Variants in NODAL observed in about 807,000 individuals in gnomAD.
NODAL encodes the protein nodal homolog.
NODAL carries 12 observed loss-of-function variants against 34.0 expected under a neutral mutation model. That is an observed-to-expected ratio of 0.35 (90% CI 0.23 to 0.57). The LOEUF is 0.57. NODAL is among the 20% of genes least tolerant of loss of function. The probability of loss-of-function intolerance (pLI) is 0.83; values close to 1 mark genes in which losing one functional copy is unlikely to be tolerated. For missense variants in NODAL, 390 were observed against 444.2 expected, an observed-to-expected ratio of 0.88 and a Z score of 1.10; for synonymous variants, 162 against 186.4, an observed-to-expected ratio of 0.87 and a Z score of 1.07.
Position 70,435,268 on chromosome 10 carries a change from T to G in NODAL, c.891+18A>C. On this transcript the variant is annotated intron_variant, in intron 2 of 2. Coordinates refer to ENST00000287139, the MANE Select transcript of NODAL (RefSeq NM_018055.5). ...GCCAGCTTACTGCCTCCCCTCCCCC[T>G]CACGCCTGGCATCCCACCTGGATGT... The G allele has an allele frequency of 6.3e-7, 1 of 1,591,684 alleles. No homozygotes were observed. The highest frequency in any genetic ancestry group is 8.6e-7 in the Non-Finnish European group (1 of 1,168,224).
At chr10:70,447,360 TACCGC>T (rs1372854229) in intron 1 of NODAL, among the ~76,000 whole-genome samples, 1 of 151,770 alleles carries the variant, frequency 6.6e-6, no homozygotes, top group East Asian at 2.0e-4. Flanking sequence ...AGGCATGAGC[TACCGC>T]ACCTGGCCAG....
At chr10:70,444,270 A>G (rs544867710), upstream of NODAL, among the ~76,000 whole-genome samples, 14 of 150,518 alleles carry the variant, frequency 9.3e-5, no homozygotes, top group African/African-American at 3.2e-4. Flanking sequence ...AGACCTTCAG[A>G]TTTAGAATTT....
upstream of NODAL, among the ~76,000 whole-genome samples, chr10:70,445,901 T>C (rs1032319827): frequency 5.9e-5 from 9 of 152,210 alleles, no homozygotes; most frequent in Admixed American, 5.9e-4. Flanking sequence ...TTCTGATGTG[T>C]ATTGGCTTAG....
At chr10:70,441,349 C>A (rs976646844) in intron 1 of NODAL, 126 bp downstream of exon 1, 5 of 1,052,096 alleles carry the variant, frequency 4.8e-6, no homozygotes, top group Admixed American at 2.3e-5. Context: ...TCGGGACGCC[C>A]GGGCGGCTGC....
At chr10:70,444,059 A>C (rs1396456009), upstream of NODAL, among the ~76,000 whole-genome samples, 4 of 151,074 alleles carry the variant, frequency 2.6e-5, no homozygotes, top group African/African-American at 7.3e-5. Context: ...CAGCCTCCCG[A>C]GTAGGTGGGA....
rs1199259191 is a variant in NODAL at position 70,447,936 on chromosome 10, TC to T, written c.15del (p.Ile6TyrfsTer22). ...CTCTCGCTTCTACCTTTAGTCTGTA[TC>T]CCCAACTGTTGGTCTTGGAGGCTGA... On this transcript the variant is annotated frameshift_variant, in exon 1 of 3. Transcript: ENST00000414871. LOFTEE classifies it high-confidence loss of function. 2.1e-6 allele frequency: 1 copy of T among 471,126 alleles called. No individual in the cohort carries two copies. Among genetic ancestry groups the T allele is most frequent in the Non-Finnish European group, 4.4e-6 (1 of 227,062 alleles). 29.2% of individuals were successfully genotyped at this position (471,126 alleles called of 1,614,324 possible).
chr10:70,432,818 G>T lies in NODAL; in HGVS notation c.*118C>A. On this transcript the variant is annotated 3_prime_UTR_variant, in exon 3 of 3. Transcript: ENST00000287139. ...CAGCCCCTCCTCTTCAGTTCTGGTG[G>T]GCAGAGCAACTTTGCCCCTCTCTGT... 1.6e-6 allele frequency: 2 copies of T among 1,213,316 alleles called. No individual in the cohort carries two copies. The highest frequency in any genetic ancestry group is 2.4e-6 in the Non-Finnish European group (2 of 826,532). 75.2% of individuals were successfully genotyped at this position (1,213,316 alleles called of 1,614,324 possible). A position where few individuals can be genotyped will look rare whatever the true frequency, so the allele number is the denominator to read the frequency against.
chr10:70,433,092 T>C lies in NODAL; in HGVS notation c.892-4A>G. On this transcript the variant is annotated splice_polypyrimidine_tract_variant and splice_region_variant and intron_variant, in intron 2 of 2. Coordinates refer to ENST00000287139, the MANE Select transcript of NODAL (RefSeq NM_018055.5). ...GCTGGTAACGTTTCAGCAGACTCTG[T>C]AAAGGAAAGGAAGGGTGTGTCAATT... 2 of 1,613,728 alleles carry C rather than the reference T, an allele frequency of 1.2e-6. No homozygotes were observed. The highest frequency in any genetic ancestry group is 8.5e-7 in the Non-Finnish European group (1 of 1,179,988).
Position 70,435,504 on chromosome 10 carries a change from C to T in NODAL, c.673G>A (p.Gly225Arg), listed in dbSNP as rs1564667208. 1 of 1,614,090 alleles carries T rather than the reference C, an allele frequency of 6.2e-7. No homozygotes were observed. The highest frequency in any genetic ancestry group is 8.5e-7 in the Non-Finnish European group (1 of 1,180,010). Residue 225 changes from glycine (G) to arginine (R), a missense_variant, in exon 2 of 3, where the codon GGA becomes AGA. Transcript: ENST00000287139. ...EAESSWRAQE[G>R]QLSWEWGKRH... ...TTGCCCCACTCCCAGGACAGCTGTC[C>T]CTCCTGGGCCCGCCAGGAGCTCTCG...
chr10:70,445,710 C>A (rs1458961748), upstream of NODAL, among the ~76,000 whole-genome samples: 1 of 152,180 alleles, frequency 6.6e-6, no homozygotes, highest in Non-Finnish European at 1.5e-5. Flanking sequence ...AGATAATTTG[C>A]CCAAAGCCAC....
chr10:70,432,783 A>T lies in NODAL; in HGVS notation c.*153T>A. On this transcript the variant is annotated 3_prime_UTR_variant, in exon 3 of 3. Coordinates refer to ENST00000287139, the MANE Select transcript of NODAL (RefSeq NM_018055.5). ...CCAGACTCCACTGAGCCCTTCATTTACAGAGTGGGCAGCCCCTCCTCTTCA... is the reference window on the plus strand; with the variant it reads ...CCAGACTCCACTGAGCCCTTCATTTTCAGAGTGGGCAGCCCCTCCTCTTCA... 1.2e-6 allele frequency: 1 copy of T among 838,318 alleles called. No homozygotes were observed. The highest frequency in any genetic ancestry group is 2.0e-6 in the Non-Finnish European group (1 of 505,726). The allele number at this position is 838,318 out of a possible 1,614,324, so 51.9% of individuals were successfully genotyped here.
At chr10:70,438,514 A>C (rs1260278952) in intron 1 of NODAL, among the ~76,000 whole-genome samples, 7 of 152,220 alleles carry the variant, frequency 4.6e-5, no homozygotes, top group African/African-American at 1.7e-4. Context: ...ATTAACTGAG[A>C]TAATTCATGT....
intron 1 of NODAL, among the ~76,000 whole-genome samples, chr10:70,438,649 G>C (rs1412294247): frequency 1.3e-5 from 2 of 152,184 alleles, no homozygotes; most frequent in Non-Finnish European, 2.9e-5. Context: ...CCTGGACAGG[G>C]GTGCAAAGTT....
chr10:70,444,318 C>G (rs1210532058), upstream of NODAL, among the ~76,000 whole-genome samples: 10 of 141,232 alleles, frequency 7.1e-5, no homozygotes, highest in African/African-American at 2.4e-4. Flanking sequence ...TTCACAAGCA[C>G]TCCAGTGATA....
intron 2 of NODAL, chr10:70,434,810 AT>A (rs1468608924): frequency 5.6e-6 from 1 of 180,100 alleles, no homozygotes; most frequent in Non-Finnish European, 1.2e-5. Flanking sequence ...ATGTCATCTC[AT>A]TAACCCTACA....
chr10:70,440,674 C>G (rs1845419162), intron 1 of NODAL, among the ~76,000 whole-genome samples: 2 of 152,180 alleles, frequency 1.3e-5, no homozygotes, highest in African/African-American at 4.8e-5. Context: ...GCCCAGAACG[C>G]GCTGCCAGGT....
chr10:70,435,503 C>T lies in NODAL; in HGVS notation c.674G>A (p.Gly225Glu), dbSNP rs778904934. 1.2e-6 allele frequency: 2 copies of T among 1,614,122 alleles called. No homozygotes were observed. Among genetic ancestry groups the T allele is most frequent in the South Asian group, 2.2e-5 (2 of 91,078 alleles). The stretch of plus-strand genomic sequence containing the variant: ...CTTGCCCCACTCCCAGGACAGCTGT[C>T]CCTCCTGGGCCCGCCAGGAGCTCTC... ...EAESSWRAQE[G>E]QLSWEWGKRH... The change falls in exon 2 of 3, where the codon GGA becomes GAA. Residue 225 changes from glycine to glutamate, a missense_variant. Gly to Glu is a moderately conservative substitution (Grantham distance 98). Transcript: ENST00000287139.
At chr10:70,446,886 C>T (rs1206919046) in intron 1 of NODAL, among the ~76,000 whole-genome samples, 2 of 152,030 alleles carry the variant, frequency 1.3e-5, no homozygotes, top group Non-Finnish European at 2.9e-5. Flanking sequence ...TGATTGAACC[C>T]CATATTCCCA....
chr10:70,434,392 C>T lies in NODAL; in HGVS notation c.891+894G>A, dbSNP rs2231951. On this transcript the variant is annotated intron_variant, in intron 2 of 2. Transcript: ENST00000287139. ...TTTTCTTGTTTTTGAGATGGAGTTTCGCTCCTGTTGCCCAGGCTGGAGTGC... is the reference window on the plus strand; with the variant it reads ...TTTTCTTGTTTTTGAGATGGAGTTTTGCTCCTGTTGCCCAGGCTGGAGTGC... Among the ~76,000 whole-genome samples, 681 of 152,230 alleles carry T rather than the reference C, an allele frequency of 4.5e-3. 4 individuals are homozygous for T. Among genetic ancestry groups the T allele is most frequent in the African/African-American group, 0.016 (649 of 41,540 alleles).
Sources: gnomAD v4.1 joint callset for allele counts (sites outside exome capture counted in the v4.1 genomes callset) on GRCh38, gnomAD v4.1.1 for gene constraint, MANE v1.5 for transcripts, NCBI Gene and HGNC (gene_info 2026-07-23, HGNC 2026-07-21) for gene names.